The following SMURF2 variants were observed in gnomAD, a reference collection of about 807,000 sequenced individuals.
SMURF2 encodes E3 ubiquitin-protein ligase SMURF2.
In SMURF2, 48 loss-of-function variants were observed where a neutral mutation model predicts 109.6. The observed-to-expected ratio is 0.44, with a 90% CI of 0.35 to 0.56. SMURF2 has a LOEUF of 0.56. SMURF2 is among the 20% of genes least tolerant of loss of function. The probability of loss-of-function intolerance (pLI) is 0.01; values close to 1 mark genes in which losing one functional copy is unlikely to be tolerated. For synonymous variants in SMURF2, 288 were observed against 317.1 expected (o/e 0.91, Z 0.97); for missense variants, 575 against 909.0 (o/e 0.63, Z 4.72).
At chr17:64,546,444 G>C in intron 17 of SMURF2, 106 bp from the exon 18 acceptor site, 1 of 883,892 alleles carries the variant, frequency 1.1e-6, no homozygotes, top group Admixed American at 2.4e-5. Flanking sequence ...GGGGATAGGG[G>C]AATGCTAATG....
chr17:64,595,983 G>C (rs1466267806), intron 3 of SMURF2, among the ~76,000 whole-genome samples: 1 of 151,842 alleles, frequency 6.6e-6, no homozygotes, highest in Admixed American at 6.6e-5. Flanking sequence ...CGAGACCCTT[G>C]AGGACTTCAA....
intron 1 of SMURF2, among the ~76,000 whole-genome samples, chr17:64,630,168 G>A (rs1269235657): frequency 3.3e-5 from 5 of 151,966 alleles, no homozygotes; most frequent in Non-Finnish European, 5.9e-5. Context: ...CCTGGGAGGC[G>A]GAGGTTGTGG....
chr17:64,588,873 T>G (rs147258156), intron 5 of SMURF2, among the ~76,000 whole-genome samples: 3 of 152,142 alleles, frequency 2.0e-5, no homozygotes, highest in Non-Finnish European at 4.4e-5. Context: ...TCCACCCACC[T>G]TGGCCTCCCA....
chr17:64,578,207 G>C (rs2144633300), intron 9 of SMURF2, among the ~76,000 whole-genome samples: 1 of 152,130 alleles, frequency 6.6e-6, no homozygotes, highest in Admixed American at 6.5e-5. Flanking sequence ...GCCTCCCAAA[G>C]TGCTGGGATT....
chr17:64,565,074 G>T (rs2144610435), intron 10 of SMURF2, among the ~76,000 whole-genome samples: 1 of 152,198 alleles, frequency 6.6e-6, no homozygotes. Flanking sequence ...ATTTCAATAA[G>T]GCTGATTTTA....
intron 1 of SMURF2, among the ~76,000 whole-genome samples, chr17:64,630,814 C>CT: frequency 6.6e-6 from 1 of 152,140 alleles, no homozygotes; most frequent in African/African-American, 2.4e-5. Context: ...TTGCGGAGAA[C>CT]TTAAAACATA....
intron 1 of SMURF2, among the ~76,000 whole-genome samples, chr17:64,611,944 C>A (rs1326883652): frequency 5.9e-5 from 9 of 152,126 alleles, no homozygotes; most frequent in Non-Finnish European, 1.3e-4. Flanking sequence ...CCTTCACTTT[C>A]TCAAATGTAT....
intron 9 of SMURF2, 119 bp downstream of exon 9, chr17:64,578,373 A>G (rs1555686238): frequency 3.0e-6 from 2 of 669,252 alleles, no homozygotes; most frequent in African/African-American, 3.6e-5. Flanking sequence ...AGTAACTATC[A>G]GAAGAGTCAA....
intron 2 of SMURF2, among the ~76,000 whole-genome samples, chr17:64,602,331 A>C (rs1216014093): frequency 6.6e-6 from 1 of 152,144 alleles, no homozygotes; most frequent in Non-Finnish European, 1.5e-5. Context: ...TGAAATAAAA[A>C]AATAAAATAA....
At chr17:64,566,162 T>C (rs1008242325) in intron 10 of SMURF2, among the ~76,000 whole-genome samples, 2 of 150,240 alleles carry the variant, frequency 1.3e-5, no homozygotes, top group Admixed American at 6.6e-5. Context: ...ATAGAAAAGA[T>C]ACTTCTATCC....
chr17:64,643,085 C>T (rs1265048123), intron 1 of SMURF2, among the ~76,000 whole-genome samples: 2 of 152,100 alleles, frequency 1.3e-5, no homozygotes, highest in Non-Finnish European at 1.5e-5. Flanking sequence ...AGTACAGTGG[C>T]GCCATCACGG....
rs782370665 is a variant in SMURF2, at chr17:64,547,847, G to A, written c.1870-46C>T. The A allele has an allele frequency of 1.6e-5, 25 of 1,567,636 alleles. No individual in the cohort carries two copies. Among genetic ancestry groups the A allele is most frequent in the Admixed American group, 6.8e-5 (4 of 59,044 alleles). On this transcript the variant is annotated intron_variant, in intron 16 of 18. Coordinates refer to ENST00000262435, the MANE Select transcript of SMURF2 (RefSeq NM_022739.4). This position sits in a 1 kb window ranked among gnomAD's most constrained non-coding sequence, Gnocchi z 4.2. ...AATGAACCTGTGGAAACCACAGCCA[G>A]ACCAAAAATTCCTCAAAAGAGAACT...
At chr17:64,626,702 G>T (rs537073423) in intron 1 of SMURF2, among the ~76,000 whole-genome samples, 14 of 152,230 alleles carry the variant, frequency 9.2e-5, no homozygotes, top group African/African-American at 3.1e-4. Flanking sequence ...GGCAGAGGTT[G>T]CAGTGAGCCG....
chr17:64,547,589 C>T lies in SMURF2; in HGVS notation c.2071+11G>A. On this transcript the variant is annotated intron_variant, in intron 17 of 18. Transcript: ENST00000262435. This position sits in a 1 kb window ranked among gnomAD's most constrained non-coding sequence, Gnocchi z 4.2. ...CCCGCTGCCCAGCTTGCCTGCACCTCAGGCTGTTACCTTGCAATGCTTTGA... is the reference window on the plus strand; with the variant it reads ...CCCGCTGCCCAGCTTGCCTGCACCTTAGGCTGTTACCTTGCAATGCTTTGA... The T allele has an allele frequency of 6.2e-7, 1 of 1,613,892 alleles. No homozygotes were observed. The highest frequency in any genetic ancestry group is 8.5e-7 in the Non-Finnish European group (1 of 1,179,878).
chr17:64,623,503 A>G (rs1970230808), intron 1 of SMURF2, among the ~76,000 whole-genome samples: 1 of 152,186 alleles, frequency 6.6e-6, no homozygotes, highest in Non-Finnish European at 1.5e-5. Context: ...AATTCACTGC[A>G]TTGTTTTACA....
Position 64,547,736 on chromosome 17 carries a change from G to C in SMURF2, c.1935C>G (p.His645Gln). 6.2e-7 allele frequency: 1 copy of C among 1,614,234 alleles called. No individual in the cohort carries two copies. Among genetic ancestry groups the C allele is most frequent in the Non-Finnish European group, 8.5e-7 (1 of 1,180,038 alleles). ...TGACAATGTTGCTGTCTGGTGTACA[G>C]TGTTTTAACCGGGTGTTTACCTTCC... Reference protein sequence around the residue: ...NDWKVNTRLKHCTPDSNIVKW... With the variant: ...NDWKVNTRLKQCTPDSNIVKW... The change falls in exon 17 of 19, where the codon CAC becomes CAG. Residue 645 changes from histidine to glutamine, a missense_variant. Coordinates refer to ENST00000262435, the MANE Select transcript of SMURF2 (RefSeq NM_022739.4). This position sits in a 1 kb window ranked among gnomAD's most constrained non-coding sequence, Gnocchi z 4.2.
chr17:64,571,869 G>A lies in SMURF2; in HGVS notation c.945C>T (p.Phe315=), dbSNP rs34788315. The A allele has an allele frequency of 5.3e-3, 8,537 of 1,613,718 alleles. 400 individuals are homozygous for A. In the African/African-American group the frequency reaches 0.1, roughly 19 times the overall value. Residue 315 remains phenylalanine, a synonymous_variant, in exon 10 of 19, where the codon TTC becomes TTT. Coordinates refer to ENST00000262435, the MANE Select transcript of SMURF2 (RefSeq NM_022739.4). ...GTGTTGTTCTGTTGTTATGGTCAAC[G>A]AAATAAACTCTGCCTGTTGCCGTAT... ...IRNTATGRVY[F]VDHNNRTTQF...
chr17:64,550,938 C>T (rs1317611340), intron 16 of SMURF2, among the ~76,000 whole-genome samples: 1 of 151,980 alleles, frequency 6.6e-6, no homozygotes, highest in African/African-American at 2.4e-5. Context: ...TTTTACTTAA[C>T]TAAATCAGTA....
intron 1 of SMURF2, among the ~76,000 whole-genome samples, chr17:64,617,093 A>AT (rs1970136197): frequency 6.7e-6 from 1 of 149,094 alleles, no homozygotes; most frequent in Non-Finnish European, 1.5e-5. Context: ...AAAAAAAAAA[A>AT]AATCTTAGTC....
Sources: allele counts gnomAD v4.1 joint callset (sites outside exome capture counted in the v4.1 genomes callset), GRCh38; gene constraint gnomAD v4.1.1; non-coding constraint Gnocchi (gnomAD v3.1); transcripts MANE v1.5; gene names NCBI Gene and HGNC (gene_info 2026-07-23, HGNC 2026-07-21).